Variants in SPATA6 observed in about 807,000 individuals in gnomAD.
The protein encoded by SPATA6 is spermatogenesis-associated protein 6.
SPATA6 carries 56 observed loss-of-function variants against 65.3 expected under a neutral mutation model. That is an observed-to-expected ratio of 0.86 (90% CI 0.69 to 1.07). The LOEUF is 1.07. Ranked by LOEUF, SPATA6 falls within the 50% of genes least tolerant of loss-of-function variation. The probability of loss-of-function intolerance (pLI) is 0.00; values close to 1 mark genes in which losing one functional copy is unlikely to be tolerated. For synonymous variants in SPATA6, 199 were observed against 213.2 expected, an observed-to-expected ratio of 0.93 and a Z score of 0.58; for missense variants, 590 against 594.8, an observed-to-expected ratio of 0.99 and a Z score of 0.08.
In SPATA6 at chr1:48,436,841, G is replaced by T. The variant is rs549893819; in HGVS notation, c.238+14711C>A. ...CCTCCTTATAGCCCATTGGATATCAGTATTTTCCCTCAATCAGAATCCAGA... is the reference window on the plus strand; with the variant it reads ...CCTCCTTATAGCCCATTGGATATCATTATTTTCCCTCAATCAGAATCCAGA... On this transcript the variant is annotated intron_variant, in intron 3 of 12. Transcript: ENST00000371847. 77 of 1,612,994 alleles carry T rather than the reference G, an allele frequency of 4.8e-5. No individual in the cohort carries two copies. The South Asian group carries it at 8.0e-4, about 17-fold the overall frequency.
chr1:48,373,437 A>G (rs1337579831), intron 9 of SPATA6, among the ~76,000 whole-genome samples: 1 of 152,164 alleles, frequency 6.6e-6, no homozygotes, highest in South Asian at 2.1e-4. Context: ...ATTTTTGCCA[A>G]AGCCATTCAA....
chr1:48,459,315 T>A (rs1436595793), intron 1 of SPATA6, among the ~76,000 whole-genome samples: 1 of 151,978 alleles, frequency 6.6e-6, no homozygotes, highest in African/African-American at 2.4e-5. Context: ...ATCATCTAAT[T>A]ACTAATCATA....
At chr1:48,463,390 C>T (rs945826596) in intron 1 of SPATA6, among the ~76,000 whole-genome samples, 11 of 151,958 alleles carry the variant, frequency 7.2e-5, no homozygotes, top group African/African-American at 2.4e-4. Context: ...GTTACACACA[C>T]GTAAATCTTA....
intron 10 of SPATA6, among the ~76,000 whole-genome samples, chr1:48,358,819 T>A (rs1646729218): frequency 6.6e-6 from 1 of 152,186 alleles, no homozygotes; most frequent in South Asian, 2.1e-4. Flanking sequence ...CATGCCTCCA[T>A]ATATCCACTA....
intron 3 of SPATA6, among the ~76,000 whole-genome samples, chr1:48,433,940 A>G (rs762769979): frequency 2.6e-5 from 4 of 152,194 alleles, no homozygotes; most frequent in Admixed American, 6.5e-5. Flanking sequence ...TTAGCTCCCT[A>G]TAGGGAAGAG....
At chr1:48,286,117 T>A in the SPATA6 span, among the ~76,000 whole-genome samples, 2 of 152,298 alleles carry the variant, frequency 1.3e-5, no homozygotes, top group South Asian at 4.1e-4. Flanking sequence ...TGCCTCCAGC[T>A]TCCTTTTTCT....
chr1:48,268,036 C>T, the SPATA6 span, among the ~76,000 whole-genome samples: 1 of 151,892 alleles, frequency 6.6e-6, no homozygotes, highest in African/African-American at 2.4e-5. Flanking sequence ...CAGGCATGAG[C>T]CACCGCGCCC....
intron 9 of SPATA6, among the ~76,000 whole-genome samples, chr1:48,368,130 C>T (rs929504915): frequency 3.3e-5 from 5 of 152,326 alleles, no homozygotes; most frequent in African/African-American, 1.2e-4. Context: ...GGCCCCCACT[C>T]TCTCCTGGCT....
intron 9 of SPATA6, among the ~76,000 whole-genome samples, chr1:48,365,628 T>G (rs1570317360): frequency 6.6e-6 from 1 of 152,184 alleles, no homozygotes; most frequent in Non-Finnish European, 1.5e-5. Flanking sequence ...ATTCTTGTGA[T>G]TTTTGTACAT....
rs915583874 is a variant in SPATA6 at position 48,334,605 on chromosome 1, A to C, written c.1194+21065T>G. ...AACAATCCTTCATGTTAAAACCCTA[A>C]AGAAACTTGGCATTGAAGGAATATA... On this transcript the variant is annotated intron_variant, in intron 11 of 12. Transcript: ENST00000371847. 5.3e-5 allele frequency among the ~76,000 whole-genome samples: 8 copies of C among 152,114 alleles called. No homozygotes were observed. The East Asian group carries it at 1.5e-3, about 29-fold the overall frequency.
In SPATA6 at chr1:48,388,839, G is replaced by C. The variant is rs1219149839; in HGVS notation, c.869-3490C>G. Reference sequence around the variant, plus strand: ...TTCTCCTGCCTCAGTCTCCAGAGTAGCTGGGATTAGAGGCATGTGCCACCA... The same window carrying C: ...TTCTCCTGCCTCAGTCTCCAGAGTACCTGGGATTAGAGGCATGTGCCACCA... On this transcript the variant is annotated intron_variant, in intron 8 of 12. Transcript: ENST00000371847. 2.0e-5 allele frequency among the ~76,000 whole-genome samples: 3 copies of C among 152,192 alleles called. No homozygotes were observed. The South Asian group carries it at 6.2e-4, about 32-fold the overall frequency.
intron 3 of SPATA6, among the ~76,000 whole-genome samples, chr1:48,428,773 ATATGTGTGTGTG>A (rs1439950913): frequency 1.6e-5 from 1 of 63,140 alleles, no homozygotes; most frequent in African/African-American, 5.5e-5. Context: ...ATAGGTGTAT[ATATGTGTGTGTG>A]TGTGTGTGTG....
At chr1:48,334,881 AAC>A (rs1451012784) in intron 11 of SPATA6, among the ~76,000 whole-genome samples, 1 of 152,192 alleles carries the variant, frequency 6.6e-6, no homozygotes, top group Non-Finnish European at 1.5e-5. Flanking sequence ...GTATTTTAAA[AAC>A]CCCATGGTCT....
intron 3 of SPATA6, among the ~76,000 whole-genome samples, chr1:48,416,881 A>T (rs1007077420): frequency 1.3e-5 from 2 of 152,212 alleles, no homozygotes; most frequent in African/African-American, 4.8e-5. Context: ...AAGGTGTTTC[A>T]TAAAATTTAA....
intron 9 of SPATA6, among the ~76,000 whole-genome samples, chr1:48,365,637 A>G (rs1481606377): frequency 6.6e-6 from 1 of 152,130 alleles, no homozygotes; most frequent in Non-Finnish European, 1.5e-5. Flanking sequence ...ATTTTTGTAC[A>G]TTGATTTTGT....
intron 3 of SPATA6, among the ~76,000 whole-genome samples, 178 bp from the exon 4 acceptor site, chr1:48,413,329 C>T (rs1403161733): frequency 3.3e-5 from 5 of 149,440 alleles, no homozygotes; most frequent in South Asian, 2.1e-4. Context: ...CTCACTCTGT[C>T]GCCAGGCTGG....
At chr1:48,443,632 G>C (rs972135815) in intron 3 of SPATA6, among the ~76,000 whole-genome samples, 4 of 152,338 alleles carry the variant, frequency 2.6e-5, no homozygotes, top group African/African-American at 9.6e-5. Context: ...CTTAGGGGAA[G>C]AGTGCTGCTT....
At chr1:48,305,282 A>T (rs1645033424) in intron 12 of SPATA6, among the ~76,000 whole-genome samples, 1 of 152,200 alleles carries the variant, frequency 6.6e-6, no homozygotes, top group Non-Finnish European at 1.5e-5. Flanking sequence ...CAAGAATTCA[A>T]AGAACGTTTG....
At chr1:48,331,359 T>G (rs1415495811) in intron 11 of SPATA6, among the ~76,000 whole-genome samples, 1 of 146,072 alleles carries the variant, frequency 6.8e-6, no homozygotes, top group Admixed American at 6.8e-5. Context: ...ACAGAAAAAA[T>G]AGCCAGTATA....
Sources: allele counts gnomAD v4.1 joint callset (sites outside exome capture counted in the v4.1 genomes callset), GRCh38; gene constraint gnomAD v4.1.1; transcripts MANE v1.5; gene names NCBI Gene and HGNC (gene_info 2026-07-23, HGNC 2026-07-21).